ERBB4: variants seen among roughly 807,000 people sequenced by gnomAD.
The protein encoded by ERBB4 is receptor tyrosine-protein kinase erbB-4.
A neutral mutation model predicts 158.0 loss-of-function variants in ERBB4; 42 were observed. The observed-to-expected ratio is 0.27, with a 90% CI of 0.21 to 0.34. ERBB4 has a LOEUF of 0.34. ERBB4 is among the 10% of genes least tolerant of loss of function. The probability of loss-of-function intolerance (pLI) is 1.00; values close to 1 mark genes in which losing one functional copy is unlikely to be tolerated. For missense variants in ERBB4, 1,333 were observed against 1,624.1 expected (o/e 0.82, Z 3.08); for synonymous variants, 583 against 558.7 (o/e 1.04, Z -0.61).
chr2:212,478,574 G>A (rs1337151759), intron 1 of ERBB4, among the ~76,000 whole-genome samples: 1 of 152,036 alleles, frequency 6.6e-6, no homozygotes, highest in East Asian at 1.9e-4. Context: ...GAAAGGGAAA[G>A]AACAATTCCT....
chr2:211,612,963 A>G (rs2069256281), intron 19 of ERBB4, among the ~76,000 whole-genome samples: 1 of 152,044 alleles, frequency 6.6e-6, no homozygotes, highest in Non-Finnish European at 1.5e-5. Context: ...GTGGATACAG[A>G]TACAAAATAT....
chr2:212,220,502 A>G (rs2083259696), intron 1 of ERBB4, among the ~76,000 whole-genome samples: 2 of 151,418 alleles, frequency 1.3e-5, no homozygotes, highest in Admixed American at 1.3e-4. Flanking sequence ...AGCAGAAGGG[A>G]ATGAATAGGA....
rs529069773 is a variant in ERBB4, at chr2:211,375,999, A to T, written c.*7616T>A. 6 of 233,038 alleles carry T rather than the reference A, an allele frequency of 2.6e-5. No individual in the cohort carries two copies. The highest frequency in any genetic ancestry group is 1.1e-4 in the African/African-American group (5 of 45,422). The allele number at this position is 233,038 out of a possible 1,614,324, so 14.4% of individuals were successfully genotyped here. A position where few individuals can be genotyped will look rare whatever the true frequency, so the allele number is the denominator to read the frequency against. ...TCAAATAACAACAGGAATGAGGGAAAGGAAGGAGGATGGGTAAAAGGTTGG... is the reference window on the plus strand; with the variant it reads ...TCAAATAACAACAGGAATGAGGGAATGGAAGGAGGATGGGTAAAAGGTTGG... On this transcript the variant is annotated 3_prime_UTR_variant, in exon 28 of 28. Transcript: ENST00000342788.
At chr2:211,575,977 A>C (rs1041613643) in intron 19 of ERBB4, among the ~76,000 whole-genome samples, 3 of 152,162 alleles carry the variant, frequency 2.0e-5, no homozygotes, top group Admixed American at 2.0e-4. Context: ...TTAATATGCA[A>C]GTTTTTATAT....
rs149147814 is a variant in ERBB4 at position 212,049,287 on chromosome 2, A to C, written c.234+75465T>G. On this transcript the variant is annotated intron_variant, in intron 2 of 27. Transcript: ENST00000342788. Reference sequence around the variant, plus strand: ...TAGGTAATATCTTTAGGGGTCACTGATGTGTGTTCAACTTTCCAGTTGTGC... The same window carrying C: ...TAGGTAATATCTTTAGGGGTCACTGCTGTGTGTTCAACTTTCCAGTTGTGC... Among the ~76,000 whole-genome samples the C allele has an allele frequency of 2.8e-3, 419 of 152,318 alleles. 5 individuals are homozygous for C. The highest frequency in any genetic ancestry group is 9.6e-3 in the African/African-American group (400 of 41,578).
At chr2:212,521,877 CTATT>C (rs766007295) in intron 1 of ERBB4, among the ~76,000 whole-genome samples, 16 of 151,924 alleles carry the variant, frequency 1.1e-4, no homozygotes, top group Non-Finnish European at 2.4e-4. Flanking sequence ...AATGGTTACT[CTATT>C]TGAGTTATTA....
chr2:211,603,198 T>G (rs2068855487), intron 19 of ERBB4, among the ~76,000 whole-genome samples: 1 of 152,046 alleles, frequency 6.6e-6, no homozygotes, highest in Non-Finnish European at 1.5e-5. Flanking sequence ...GTCACTGCAC[T>G]GCAGCCCGGG....
chr2:212,261,829 A>G (rs2084957225), intron 1 of ERBB4, among the ~76,000 whole-genome samples: 2 of 152,140 alleles, frequency 1.3e-5, no homozygotes, highest in Admixed American at 1.3e-4. Context: ...TTGTATTATA[A>G]AAGAAAAGTT....
At chr2:211,630,061 C>T (rs2070043515) in intron 17 of ERBB4, among the ~76,000 whole-genome samples, 1 of 152,144 alleles carries the variant, frequency 6.6e-6, no homozygotes, top group South Asian at 2.1e-4. Context: ...TCTAATTAAA[C>T]TAAAGAGCTT....
intron 1 of ERBB4, among the ~76,000 whole-genome samples, chr2:212,374,185 A>G (rs2090240195): frequency 6.6e-6 from 1 of 150,494 alleles, no homozygotes; most frequent in African/African-American, 2.4e-5. Flanking sequence ...AAATAGGCAG[A>G]TAGACATTAT....
chr2:211,861,125 TA>T lies in ERBB4; in HGVS notation c.422-72967del, dbSNP rs1427902331. Among the ~76,000 whole-genome samples, 39 of 7,674 alleles carry T rather than the reference TA, an allele frequency of 5.1e-3. 7 individuals carry two copies. Among genetic ancestry groups the T allele is most frequent in the African/African-American group, 0.02 (34 of 1,662 alleles). 5.0% of individuals were successfully genotyped at this position (7,674 alleles called of 152,430 possible). A position where few individuals can be genotyped will look rare whatever the true frequency, so the allele number is the denominator to read the frequency against. On this transcript the variant is annotated intron_variant, in intron 3 of 27. Coordinates refer to ENST00000342788, the MANE Select transcript of ERBB4 (RefSeq NM_005235.3). ...ATTATATATATTTATATATATATTT[TA>T]TATATATATATATATATATATATAT...
chr2:212,307,613 G>C (rs2086858973), intron 1 of ERBB4, among the ~76,000 whole-genome samples: 1 of 150,884 alleles, frequency 6.6e-6, no homozygotes, highest in Admixed American at 6.6e-5. Flanking sequence ...TACATGAAAA[G>C]CATAGAGAAT....
chr2:212,060,143 G>T (rs1486153622), intron 2 of ERBB4, among the ~76,000 whole-genome samples: 1 of 152,096 alleles, frequency 6.6e-6, no homozygotes, highest in Non-Finnish European at 1.5e-5. Context: ...CAAAAAGTGG[G>T]CAAAGGATAT....
intron 2 of ERBB4, among the ~76,000 whole-genome samples, chr2:211,955,726 C>T (rs2081009140): frequency 6.6e-6 from 1 of 152,114 alleles, no homozygotes; most frequent in African/African-American, 2.4e-5. Flanking sequence ...AAGACAAATG[C>T]CACGCTGTAA....
chr2:211,574,799 C>G (rs1574784086), intron 19 of ERBB4, among the ~76,000 whole-genome samples: 1 of 152,316 alleles, frequency 6.6e-6, no homozygotes, highest in Non-Finnish European at 1.5e-5. Flanking sequence ...AGACCTGTCA[C>G]TTGGTTCACT....
chr2:211,593,747 C>A (rs533384072), intron 19 of ERBB4, among the ~76,000 whole-genome samples: 1 of 152,138 alleles, frequency 6.6e-6, no homozygotes, highest in Non-Finnish European at 1.5e-5. Context: ...GCAAAACAAC[C>A]ACCACCCTGA....
intron 1 of ERBB4, among the ~76,000 whole-genome samples, chr2:212,411,787 G>GCAGCA: frequency 6.6e-6 from 1 of 152,220 alleles, no homozygotes; most frequent in South Asian, 2.1e-4. Context: ...AAGGGTGAAT[G>GCAGCA]CAGCAGTCTT....
intron 12 of ERBB4, among the ~76,000 whole-genome samples, chr2:211,684,696 G>C (rs1475212042): frequency 6.6e-6 from 1 of 152,096 alleles, no homozygotes; most frequent in Non-Finnish European, 1.5e-5. Flanking sequence ...TTCATGTCCT[G>C]CATGCCAGAG....
chr2:212,466,817 C>T (rs1688860255), intron 1 of ERBB4, among the ~76,000 whole-genome samples: 2 of 152,104 alleles, frequency 1.3e-5, no homozygotes. Context: ...GGTTAGAGGG[C>T]TGAAAAGACA....
Sources: allele counts gnomAD v4.1 joint callset (sites outside exome capture counted in the v4.1 genomes callset), GRCh38; gene constraint gnomAD v4.1.1; transcripts MANE v1.5; gene names NCBI Gene and HGNC (gene_info 2026-07-23, HGNC 2026-07-21).